SATB2: variants seen among roughly 807,000 people sequenced by gnomAD.
SATB2 encodes the protein SATB homeobox 2, also known as DNA-binding protein SATB2.
In SATB2, 1 loss-of-function variant was observed where a neutral mutation model predicts 73.4. The ratio of observed to expected loss-of-function variants is 0.01; its 90% CI spans 0.00 to 0.06. The LOEUF is 0.06. Ranked by LOEUF, SATB2 falls within the 10% of genes least tolerant of loss-of-function variation. The pLI, the probability that SATB2 is intolerant of heterozygous loss-of-function variation, is 1.00. For missense variants in SATB2, 459 were observed against 945.8 expected, an observed-to-expected ratio of 0.49 and a Z score of 6.75; for synonymous variants, 397 against 367.0, an observed-to-expected ratio of 1.08 and a Z score of -0.93.
Position 199,456,093 on chromosome 2 carries a change from G to C in SATB2, c.-56C>G. ...CGGCAGGTCGCAATAAAACGCACAG[G>C]GACCTAGGGAGGGGGTGGGGGGAGG... On this transcript the variant is annotated 5_prime_UTR_variant, in exon 2 of 11. Coordinates refer to ENST00000417098, the MANE Select transcript of SATB2 (RefSeq NM_001172509.2). The C allele has an allele frequency of 3.8e-6, 5 of 1,304,960 alleles. No individual in the cohort carries two copies. The highest frequency in any genetic ancestry group is 2.8e-5 in the East Asian group (1 of 35,652). The allele number at this position is 1,304,960 out of a possible 1,614,324, so 80.8% of individuals were successfully genotyped here.
intron 10 of SATB2, among the ~76,000 whole-genome samples, chr2:199,286,131 TGGG>T (rs1329754507): frequency 1.8e-5 from 1 of 55,922 alleles, no homozygotes. Flanking sequence ...TGGTATAGTT[TGGG>T]GAAAAAAAAA....
At chr2:199,297,410 G>A (rs1473576145) in intron 10 of SATB2, among the ~76,000 whole-genome samples, 3 of 151,974 alleles carry the variant, frequency 2.0e-5, no homozygotes, top group South Asian at 2.1e-4. Flanking sequence ...GGTCATTCCC[G>A]GAAGAGTCAT....
chr2:199,297,149 A>C (rs573691906), intron 10 of SATB2, among the ~76,000 whole-genome samples: 16 of 152,362 alleles, frequency 1.1e-4, no homozygotes, highest in Admixed American at 1.0e-3. Flanking sequence ...TTAAATGGTT[A>C]TATACATTGC....
chr2:199,382,242 G>C (rs1463989177), intron 3 of SATB2, among the ~76,000 whole-genome samples: 2 of 152,154 alleles, frequency 1.3e-5, no homozygotes, highest in Non-Finnish European at 2.9e-5. Context: ...CTGTGTGTGG[G>C]CTCAGCACGC....
At chr2:199,327,033 T>A (rs1471386002) in intron 8 of SATB2, among the ~76,000 whole-genome samples, 1 of 152,204 alleles carries the variant, frequency 6.6e-6, no homozygotes, top group Non-Finnish European at 1.5e-5. Context: ...CAATTCTGCT[T>A]CTATGCTTAA....
At chr2:199,448,093 G>A (rs1248804487) in intron 2 of SATB2, among the ~76,000 whole-genome samples, 1 of 152,114 alleles carries the variant, frequency 6.6e-6, no homozygotes, top group Non-Finnish European at 1.5e-5. Context: ...TTTGGATTAT[G>A]ACAAAAGAAA....
At chr2:199,447,033 A>G (rs1231967587) in intron 2 of SATB2, among the ~76,000 whole-genome samples, 1 of 152,160 alleles carries the variant, frequency 6.6e-6, no homozygotes, top group Non-Finnish European at 1.5e-5. Context: ...CCCACCACAC[A>G]TGGGGGTAAC....
intron 2 of SATB2, among the ~76,000 whole-genome samples, chr2:199,452,988 A>AACCTTAAAGAC (rs1692173488): frequency 2.0e-5 from 3 of 152,128 alleles, no homozygotes; most frequent in Non-Finnish European, 2.9e-5. Context: ...GTTAAAACAC[A>AACCTTAAAGAC]ACCTTAAAGA....
At chr2:199,330,216 G>A (rs1371217751) in intron 7 of SATB2, among the ~76,000 whole-genome samples, 1 of 152,174 alleles carries the variant, frequency 6.6e-6, no homozygotes, top group African/African-American at 2.4e-5. Context: ...GGGAAAGGTA[G>A]GCAATGTTTT....
intron 3 of SATB2, among the ~76,000 whole-genome samples, chr2:199,398,867 TC>T (rs775714036): frequency 3.9e-5 from 6 of 152,200 alleles, no homozygotes; most frequent in Non-Finnish European, 8.8e-5. Context: ...TACTATTTTT[TC>T]TAACAGTGGG....
chr2:199,284,866 T>C (rs1390785229), intron 10 of SATB2, among the ~76,000 whole-genome samples: 1 of 152,040 alleles, frequency 6.6e-6, no homozygotes, highest in Non-Finnish European at 1.5e-5. Flanking sequence ...TATAGTATAA[T>C]AACTATTTAC....
At chr2:199,343,255 A>T (rs765110979) in intron 7 of SATB2, among the ~76,000 whole-genome samples, 15 of 152,210 alleles carry the variant, frequency 9.9e-5, no homozygotes, top group Non-Finnish European at 1.9e-4. Flanking sequence ...CAAATCCAGG[A>T]ACACAAAATA....
At chr2:199,285,243 AT>A (rs1401507357) in intron 10 of SATB2, among the ~76,000 whole-genome samples, 10 of 152,288 alleles carry the variant, frequency 6.6e-5, no homozygotes, top group Non-Finnish European at 1.0e-4. Flanking sequence ...TAGTAAAAAC[AT>A]CCTTACTTGA....
chr2:199,327,071 G>A (rs1013752357), intron 8 of SATB2, among the ~76,000 whole-genome samples: 7 of 152,232 alleles, frequency 4.6e-5, no homozygotes, highest in South Asian at 2.1e-4. Flanking sequence ...ATCAGAAAAC[G>A]CAAAACCAAA....
chr2:199,385,021 G>A (rs1190192309), intron 3 of SATB2, among the ~76,000 whole-genome samples: 1 of 152,142 alleles, frequency 6.6e-6, no homozygotes, highest in African/African-American at 2.4e-5. Context: ...ATACATCAAT[G>A]TGTCCCATCT....
intron 4 of SATB2, among the ~76,000 whole-genome samples, chr2:199,381,486 A>G (rs1689773414): frequency 6.6e-6 from 1 of 152,168 alleles, no homozygotes; most frequent in African/African-American, 2.4e-5. Flanking sequence ...TTCTGAAAAC[A>G]AAGCATAAAG....
At chr2:199,386,683 TACACGTGCGCAA>T (rs1689944291) in intron 3 of SATB2, among the ~76,000 whole-genome samples, 5 of 138,770 alleles carry the variant, frequency 3.6e-5, no homozygotes, top group African/African-American at 1.2e-4. Flanking sequence ...AAATATTTCA[TACACGTGCGCAA>T]GCGCGCGCGC....
In SATB2 at chr2:199,457,004, C is replaced by T. The variant is rs1484862593; in HGVS notation, c.-60+335G>A. Among the ~76,000 whole-genome samples the T allele has an allele frequency of 6.6e-6, 1 of 151,520 alleles. No homozygotes were observed. The highest frequency in any genetic ancestry group is 1.5e-5 in the Non-Finnish European group (1 of 67,938). On this transcript the variant is annotated intron_variant, in intron 1 of 10. Transcript: ENST00000417098. The surrounding 1 kb of genome is among the most constrained non-coding windows in gnomAD (Gnocchi z 4.8). ...GGGGGGCGGGGAAGGAGGGGAAACA[C>T]CTGATGAAACGGCGCTCGCGTTGTC...
intron 10 of SATB2, among the ~76,000 whole-genome samples, chr2:199,302,127 T>C (rs1019623961): frequency 6.6e-6 from 1 of 152,226 alleles, no homozygotes; most frequent in Admixed American, 6.5e-5. Context: ...GCCTGCCTAC[T>C]TTTTAAATTG....
Sources: allele counts gnomAD v4.1 joint callset (sites outside exome capture counted in the v4.1 genomes callset), GRCh38; gene constraint gnomAD v4.1.1; non-coding constraint Gnocchi (gnomAD v3.1); transcripts MANE v1.5; gene names NCBI Gene and HGNC (gene_info 2026-07-23, HGNC 2026-07-21).